Variants in TAS2R1 observed in about 807,000 individuals in gnomAD.
TAS2R1 encodes the protein taste 2 receptor member 1, also known as taste receptor type 2 member 1.
For synonymous variants in TAS2R1, 141 were observed against 134.2 expected (o/e 1.05, Z -0.35); for missense variants, 370 against 353.4 (o/e 1.05, Z -0.38).
intron 1 of TAS2R1, among the ~76,000 whole-genome samples, chr5:9,678,851 G>T (rs1386751730): frequency 6.6e-6 from 1 of 152,122 alleles, no homozygotes; most frequent in Non-Finnish European, 1.5e-5. Flanking sequence ...AAGGTGATGG[G>T]TTGATGTGTG....
the TAS2R1 span, among the ~76,000 whole-genome samples, chr5:9,853,681 G>C: frequency 6.6e-6 from 1 of 152,070 alleles, no homozygotes; most frequent in Non-Finnish European, 1.5e-5. Context: ...GCGATATCTA[G>C]GTCTTCTAAT....
the TAS2R1 span, among the ~76,000 whole-genome samples, chr5:9,725,231 G>A: frequency 1.3e-5 from 2 of 152,244 alleles, no homozygotes; most frequent in African/African-American, 2.4e-5. Context: ...CCTTCAGCCC[G>A]CTGCTGCACT....
chr5:9,767,763 A>T, the TAS2R1 span, among the ~76,000 whole-genome samples: 206 of 152,120 alleles, frequency 1.4e-3, 2 homozygotes, highest in African/African-American at 4.8e-3. Flanking sequence ...TGTCTGTACT[A>T]AAACTACAAA....
intron 1 of TAS2R1, among the ~76,000 whole-genome samples, chr5:9,684,459 A>G (rs1741087137): frequency 6.6e-6 from 1 of 152,216 alleles, no homozygotes; most frequent in African/African-American, 2.4e-5. Context: ...GCTACATAGG[A>G]GGAATGAATT....
the TAS2R1 span, among the ~76,000 whole-genome samples, chr5:9,864,673 GC>G: frequency 2.0e-5 from 3 of 149,744 alleles, no homozygotes; most frequent in African/African-American, 7.3e-5. Context: ...ATCACCATAG[GC>G]TACTTCATAT....
At chr5:9,653,990 AG>A (rs1740358898) in intron 2 of TAS2R1, among the ~76,000 whole-genome samples, 1 of 152,276 alleles carries the variant, frequency 6.6e-6, no homozygotes, top group South Asian at 2.1e-4. Flanking sequence ...GACTGTATGA[AG>A]TCAGGCCGAG....
intron 1 of TAS2R1, among the ~76,000 whole-genome samples, chr5:9,694,558 A>G (rs1741320997): frequency 6.6e-6 from 1 of 152,212 alleles, no homozygotes; most frequent in African/African-American, 2.4e-5. Context: ...GTGGCCCATC[A>G]ATCTGTGAGA....
At chr5:9,858,397 C>T in the TAS2R1 span, among the ~76,000 whole-genome samples, 2 of 152,180 alleles carry the variant, frequency 1.3e-5, no homozygotes, top group African/African-American at 4.8e-5. Context: ...AAGGGTATCT[C>T]TCTCCATGCC....
the TAS2R1 span, among the ~76,000 whole-genome samples, chr5:9,851,849 C>T: frequency 1.7e-3 from 260 of 152,262 alleles, no homozygotes; most frequent in Middle Eastern, 3.4e-3. Context: ...ACACTAGGGG[C>T]GTCAAGTGCT....
the TAS2R1 span, among the ~76,000 whole-genome samples, chr5:9,819,446 G>A: frequency 6.6e-6 from 1 of 152,184 alleles, no homozygotes; most frequent in African/African-American, 2.4e-5. Context: ...TTGGGCAGAA[G>A]TCCCCAACTA....
intron 1 of TAS2R1, among the ~76,000 whole-genome samples, chr5:9,693,357 T>A (rs1741287914): frequency 6.6e-6 from 1 of 151,634 alleles, no homozygotes; most frequent in Non-Finnish European, 1.5e-5. Flanking sequence ...TTTTTAGTTC[T>A]CTACTAAAAA....
At chr5:9,842,678 A>G in the TAS2R1 span, among the ~76,000 whole-genome samples, 6 of 152,126 alleles carry the variant, frequency 3.9e-5, no homozygotes, top group African/African-American at 1.4e-4. Flanking sequence ...ATTTGTGGCA[A>G]AGTTGCAGTT....
chr5:9,725,875 G>A, the TAS2R1 span, among the ~76,000 whole-genome samples: 8 of 152,226 alleles, frequency 5.3e-5, no homozygotes, highest in South Asian at 1.7e-3. Flanking sequence ...TCTAGCTCAG[G>A]GTTTGTGAAT....
chr5:9,661,914 C>G (rs1210736662), intron 1 of TAS2R1, among the ~76,000 whole-genome samples: 1 of 152,212 alleles, frequency 6.6e-6, no homozygotes, highest in Non-Finnish European at 1.5e-5. Flanking sequence ...CAGGTTTACT[C>G]CCTCCCAGTT....
At chr5:9,770,418 A>C in the TAS2R1 span, among the ~76,000 whole-genome samples, 3 of 152,238 alleles carry the variant, frequency 2.0e-5, no homozygotes, top group African/African-American at 7.2e-5. Flanking sequence ...GTTCCATATA[A>C]ATTTTAGGAT....
chr5:9,842,570 G>A, the TAS2R1 span, among the ~76,000 whole-genome samples: 19 of 151,984 alleles, frequency 1.3e-4, no homozygotes, highest in Non-Finnish European at 1.8e-4. Context: ...CAATCTGCCC[G>A]CCTCAGCCTC....
the TAS2R1 span, among the ~76,000 whole-genome samples, chr5:9,770,085 T>C: frequency 1.3e-5 from 2 of 152,166 alleles, no homozygotes; most frequent in Non-Finnish European, 2.9e-5. Flanking sequence ...TTTAGTTTGA[T>C]TTTTTATATG....
chr5:9,630,527 C>A (rs1480503497), upstream of TAS2R1, among the ~76,000 whole-genome samples: 3 of 152,116 alleles, frequency 2.0e-5, no homozygotes, highest in Non-Finnish European at 2.9e-5. Flanking sequence ...ACATAGGACT[C>A]CTGAGTAGTT....
At chr5:9,879,670 C>T in the TAS2R1 span, among the ~76,000 whole-genome samples, 1 of 152,184 alleles carries the variant, frequency 6.6e-6, no homozygotes, top group Non-Finnish European at 1.5e-5. Context: ...TGTGGTTCTA[C>T]TTCTCTGACC....
Sources: gnomAD v4.1 joint callset for allele counts (sites outside exome capture counted in the v4.1 genomes callset) on GRCh38, gnomAD v4.1.1 for gene constraint, MANE v1.5 for transcripts, NCBI Gene and HGNC (gene_info 2026-07-23, HGNC 2026-07-21) for gene names.